The following MGAM variants were observed in gnomAD, a reference collection of about 807,000 sequenced individuals.
MGAM encodes the protein alpha-1,4-glucosidase.
MGAM carries 253 observed loss-of-function variants against 358.8 expected under a neutral mutation model. That is an observed-to-expected ratio of 0.71 (90% CI 0.64 to 0.78). The LOEUF is 0.78. Among genes scored for constraint, MGAM ranks in the 30% least tolerant of loss-of-function variants. MGAM has a pLI of 0.00. For missense variants in MGAM, 3,080 were observed against 3,432.6 expected, an observed-to-expected ratio of 0.90 and a Z score of 2.57; for synonymous variants, 1,105 against 1,227.1, an observed-to-expected ratio of 0.90 and a Z score of 2.08.
Position 142,012,623 on chromosome 7 carries a change from G to A in MGAM, c.327+3918G>A, listed in dbSNP as rs187684907. Among the ~76,000 whole-genome samples, 360 of 152,318 alleles carry A rather than the reference G, an allele frequency of 2.4e-3. 2 individuals are homozygous for A. Among genetic ancestry groups the A allele is most frequent in the Non-Finnish European group, 4.1e-3 (278 of 68,034 alleles). The stretch of plus-strand genomic sequence containing the variant: ...CTGAATTACAAACTATCCAAACTTA[G>A]TGGTTTGCAGCAACAATTGTTTTAT... On this transcript the variant is annotated intron_variant, in intron 3 of 70. Coordinates refer to ENST00000475668, the MANE Select transcript of MGAM (RefSeq NM_001365693.1).
chr7:142,100,245 C>G (rs938485122), intron 67 of MGAM, among the ~76,000 whole-genome samples: 2 of 152,118 alleles, frequency 1.3e-5, no homozygotes, highest in African/African-American at 4.8e-5. Flanking sequence ...AAAAGGAAAA[C>G]ATAAATTCTG....
chr7:141,997,890 G>A (rs1392957631), intron 1 of MGAM, among the ~76,000 whole-genome samples: 3 of 152,154 alleles, frequency 2.0e-5, no homozygotes, highest in Admixed American at 6.5e-5. Context: ...GAATAGCTAT[G>A]GCTCACTGGG....
intron 57 of MGAM, among the ~76,000 whole-genome samples, chr7:142,090,475 G>A (rs1227770638): frequency 6.9e-6 from 1 of 145,644 alleles, no homozygotes; most frequent in African/African-American, 2.4e-5. Context: ...GGCATCCCTG[G>A]CATGCCCACT....
chr7:142,072,823 A>T (rs1813449655), intron 44 of MGAM, among the ~76,000 whole-genome samples: 1 of 146,254 alleles, frequency 6.8e-6, no homozygotes, highest in Non-Finnish European at 1.5e-5. Context: ...CACATTCTGT[A>T]CCTTGGATTA....
Position 142,088,799 on chromosome 7 carries a change from ATCATT to A in MGAM, c.6810+2083_6810+2087del, listed in dbSNP as rs1563214355. Among the ~76,000 whole-genome samples, 40 of 110,324 alleles carry A rather than the reference ATCATT, an allele frequency of 3.6e-4. 1 individual carries two copies. The South Asian group carries it at 3.6e-3, about 10-fold the overall frequency. 72.4% of individuals were successfully genotyped at this position (110,324 alleles called of 152,430 possible). ...TATCTATCTATCTATCTATCTATCT[ATCATT>A]CTATCCTATCTATGTACCATCTATC... On this transcript the variant is annotated intron_variant, in intron 57 of 70. Transcript: ENST00000475668.
Position 142,043,760 on chromosome 7 carries a change from A to G in MGAM, c.2498+2914A>G, listed in dbSNP as rs199577103. Among the ~76,000 whole-genome samples the G allele has an allele frequency of 1.3e-3, 97 of 74,082 alleles. 6 individuals are homozygous for G. Among genetic ancestry groups the G allele is most frequent in the South Asian group, 9.0e-3 (24 of 2,668 alleles). 48.6% of individuals were successfully genotyped at this position (74,082 alleles called of 152,430 possible). ...TATACATTATATACACATACGACAT[A>G]TAATATATACATTATATACACATAC... is the stretch of plus-strand genomic sequence containing the variant. On this transcript the variant is annotated intron_variant, in intron 21 of 70. Coordinates refer to ENST00000475668, the MANE Select transcript of MGAM (RefSeq NM_001365693.1).
intron 21 of MGAM, among the ~76,000 whole-genome samples, chr7:142,041,968 T>TC (rs1563145082): frequency 0.012 from 297 of 25,460 alleles, 13 homozygotes; most frequent in African/African-American, 0.038. Context: ...AATATATATA[T>TC]ATTATATATA....
At chr7:142,088,075 C>A (rs1437867498) in intron 57 of MGAM, among the ~76,000 whole-genome samples, 4 of 146,212 alleles carry the variant, frequency 2.7e-5, no homozygotes, top group African/African-American at 4.9e-5. Context: ...ACCACACAAT[C>A]TGGAGCCAGG....
At chr7:142,026,959 G>A (rs1421429629) in intron 8 of MGAM, among the ~76,000 whole-genome samples, 156 bp from the exon 9 acceptor site, 2 of 152,186 alleles carry the variant, frequency 1.3e-5, no homozygotes, top group Non-Finnish European at 1.5e-5. Context: ...GGTGGACTTG[G>A]ATGGTCAGGG....
Position 142,027,627 on chromosome 7 carries a change from C to T in MGAM, c.1113C>T (p.Ala371=), listed in dbSNP as rs782446557. 15 of 1,613,590 alleles carry T rather than the reference C, an allele frequency of 9.3e-6. No individual in the cohort carries two copies. The East Asian group carries it at 3.3e-4, about 36-fold the overall frequency. Reference sequence around the variant, plus strand: ...TCTTTCAGCTCATTGGGCGGCCAGCCCTTCCCTCCTACTGGGCGCTTGGAT... The same window carrying T: ...TCTTTCAGCTCATTGGGCGGCCAGCTCTTCCCTCCTACTGGGCGCTTGGAT... ...QEYLELIGRP[A]LPSYWALGFH... The change falls in exon 10 of 71, where the codon GCC becomes GCT. Residue 371 remains alanine (A), a synonymous_variant. Coordinates refer to ENST00000475668, the MANE Select transcript of MGAM (RefSeq NM_001365693.1).
rs549219144 is a variant in MGAM at position 142,047,199 on chromosome 7, C to G, written c.2499-586C>G. On this transcript the variant is annotated intron_variant, in intron 21 of 70. Transcript: ENST00000475668. Reference sequence around the variant, plus strand: ...CCCCCTCTTCCTCTCTGTCCATCTACTTTACCATGTATTTGAGTAATGTTT... The same window carrying G: ...CCCCCTCTTCCTCTCTGTCCATCTAGTTTACCATGTATTTGAGTAATGTTT... 3.3e-5 allele frequency among the ~76,000 whole-genome samples: 5 copies of G among 152,256 alleles called. No homozygotes were observed. In the South Asian group the frequency reaches 1.0e-3, roughly 32 times the overall value.
intron 21 of MGAM, 102 bp downstream of exon 21, chr7:142,040,948 G>A (rs1808469273): frequency 3.6e-6 from 5 of 1,391,384 alleles, no homozygotes; most frequent in East Asian, 2.5e-5. Context: ...AGCCTCTTTG[G>A]TTTGGCCACG....
Position 142,037,255 on chromosome 7 carries a change from A to T in MGAM, c.2231+278A>T, listed in dbSNP as rs182687171. Among the ~76,000 whole-genome samples, 7 of 152,254 alleles carry T rather than the reference A, an allele frequency of 4.6e-5. No individual in the cohort carries two copies. The East Asian group carries it at 1.2e-3, about 25-fold the overall frequency. On this transcript the variant is annotated intron_variant, in intron 18 of 70. Transcript: ENST00000475668. ...AGGTCTTTTCTTTGTTCTGCCATTC[A>T]CTAACTCTGTATCTTAGACAAATCA...
chr7:142,040,577 T>C (rs1467343115), intron 20 of MGAM, 145 bp from the exon 21 acceptor site: 1 of 1,088,880 alleles, frequency 9.2e-7, no homozygotes, highest in African/African-American at 1.6e-5. Context: ...CTTGATTTTT[T>C]TCCTTCTGTT....
At chr7:142,071,655 G>T (rs1384192225) in intron 44 of MGAM, among the ~76,000 whole-genome samples, 1 of 145,710 alleles carries the variant, frequency 6.9e-6, no homozygotes, top group East Asian at 2.0e-4. Context: ...GCTCACCCAT[G>T]TTTCTTTACT....
chr7:142,038,545 A>G lies in MGAM; in HGVS notation c.2246A>G (p.Asn749Ser), dbSNP rs1563139637. Residue 749 changes from asparagine (N) to serine (S), a missense_variant, in exon 19 of 71, where the codon AAC (asparagine) becomes AGC (serine). Coordinates refer to ENST00000475668, the MANE Select transcript of MGAM (RefSeq NM_001365693.1). ...CTGGTTTTCAGGTTCTACGAGGACA[A>G]CAGCACTTGGGATGTGCACCAACAG... ...RPLLHEFYED[N>S]STWDVHQQFL... The G allele has an allele frequency of 1.9e-6, 3 of 1,610,426 alleles. No homozygotes were observed. The highest frequency in any genetic ancestry group is 1.1e-5 in the South Asian group (1 of 90,274).
At chr7:142,001,345 AC>A (rs1804718327) in intron 1 of MGAM, among the ~76,000 whole-genome samples, 1 of 152,202 alleles carries the variant, frequency 6.6e-6, no homozygotes, top group Non-Finnish European at 1.5e-5. Context: ...CTCTTATTCA[AC>A]CAATCCTTGG....
rs782618430 is a variant in MGAM, at chr7:142,034,745, T to A, written c.1863T>A (p.Phe621Leu). The change falls in exon 16 of 71, where the codon TTT (phenylalanine) becomes TTA (leucine). Residue 621 changes from phenylalanine (F) to leucine (L), a missense_variant. Phe to Leu is a conservative substitution (Grantham distance 22). Around this residue, in one of 5 missense-constraint regions of MGAM, gnomAD observed 1,816 missense variants for 1,840.5 expected, o/e 0.99. Transcript: ENST00000475668. ...TRSTFAGSGK[F>L]AAHWLGDNTA... is the part of the protein sequence containing the mutation. ...CTACCTTTGCGGGCTCTGGCAAGTTTGCAGCACATTGGTTAGGAGACAACA... is the reference window on the plus strand; with the variant it reads ...CTACCTTTGCGGGCTCTGGCAAGTTAGCAGCACATTGGTTAGGAGACAACA... 3 of 1,613,498 alleles carry A rather than the reference T, an allele frequency of 1.9e-6. No homozygotes were observed. Among genetic ancestry groups the A allele is most frequent in the African/African-American group, 2.7e-5 (2 of 74,914 alleles).
intron 27 of MGAM, 127 bp from the exon 28 acceptor site, chr7:142,055,431 A>G: frequency 2.7e-6 from 3 of 1,126,206 alleles, no homozygotes; most frequent in Non-Finnish European, 3.9e-6. Flanking sequence ...ATTGAGTTTC[A>G]GTTTTGTTTG....
Sources: gnomAD v4.1 joint callset for allele counts (sites outside exome capture counted in the v4.1 genomes callset) on GRCh38, gnomAD v4.1.1 for gene constraint, gnomAD v4.1.1 regional missense constraint, MANE v1.5 for transcripts, NCBI Gene and HGNC (gene_info 2026-07-23, HGNC 2026-07-21) for gene names.